The following KAT6A variants were observed in gnomAD, a reference collection of about 807,000 sequenced individuals.
The protein encoded by KAT6A is histone acetyltransferase KAT6A.
Under a neutral mutation model 198.4 loss-of-function variants are expected in KAT6A, and 9 were observed. The ratio of observed to expected loss-of-function variants is 0.05; its 90% CI spans 0.03 to 0.08. KAT6A has a LOEUF of 0.08. Ranked by LOEUF, KAT6A falls within the 10% of genes least tolerant of loss-of-function variation. The probability of loss-of-function intolerance (pLI) is 1.00; values close to 1 mark genes in which losing one functional copy is unlikely to be tolerated. For missense variants in KAT6A, 2,077 were observed against 2,509.9 expected (o/e 0.83, Z 3.69); for synonymous variants, 890 against 883.0 (o/e 1.01, Z -0.14).
At chr8:41,993,857 T>A (rs1825062066) in intron 2 of KAT6A, among the ~76,000 whole-genome samples, 1 of 152,202 alleles carries the variant, frequency 6.6e-6, no homozygotes, top group Non-Finnish European at 1.5e-5. Flanking sequence ...TCACTCTCAT[T>A]CCCAAACTAT....
chr8:41,943,351 T>C (rs1355560730), intron 13 of KAT6A, among the ~76,000 whole-genome samples: 1 of 152,234 alleles, frequency 6.6e-6, no homozygotes, highest in East Asian at 1.9e-4. Context: ...TAGTGAAGGG[T>C]GAACTGTCTG....
chr8:41,942,444 C>A, intron 14 of KAT6A: 1 of 320,046 alleles, frequency 3.1e-6, no homozygotes, highest in South Asian at 5.0e-5. Flanking sequence ...CCACACCCAA[C>A]CTCCATTTCA....
chr8:41,931,315 G>C lies in KAT6A; in HGVS notation c.*890C>G, dbSNP rs1371951731. 4.6e-6 allele frequency: 1 copy of C among 218,958 alleles called. No individual in the cohort carries two copies. The highest frequency in any genetic ancestry group is 6.7e-5 in the East Asian group (1 of 14,878). 13.6% of individuals were successfully genotyped at this position (218,958 alleles called of 1,614,324 possible). Reference sequence around the variant, plus strand: ...GATTCACCAGGTGGTAAAAAAACAAGAGGTTAATCTCCTCTTTTTGATTGT... The same window carrying C: ...GATTCACCAGGTGGTAAAAAAACAACAGGTTAATCTCCTCTTTTTGATTGT... On this transcript the variant is annotated 3_prime_UTR_variant, in exon 17 of 17. Coordinates refer to ENST00000265713, the MANE Select transcript of KAT6A (RefSeq NM_006766.5).
rs1383258919 is a variant in KAT6A, at chr8:41,946,235, G to A, written c.1996+356C>T. On this transcript the variant is annotated intron_variant, in intron 12 of 16. Coordinates refer to ENST00000265713, the MANE Select transcript of KAT6A (RefSeq NM_006766.5). ...TCTCACCTCTGCTTCCTGAGTAGGTGGAACCCTAGGTACATGCCATCATGC... is the reference window on the plus strand; with the variant it reads ...TCTCACCTCTGCTTCCTGAGTAGGTAGAACCCTAGGTACATGCCATCATGC... Among the ~76,000 whole-genome samples the A allele has an allele frequency of 2.6e-5, 4 of 151,966 alleles. No homozygotes were observed. The South Asian group carries it at 8.3e-4, about 32-fold the overall frequency.
In KAT6A at chr8:41,932,803, G is replaced by C. The variant is rs375665086; in HGVS notation, c.5417C>G (p.Ala1806Gly). The C allele has an allele frequency of 1.2e-6, 2 of 1,614,172 alleles. No homozygotes were observed. Among genetic ancestry groups the C allele is most frequent in the Non-Finnish European group, 1.7e-6 (2 of 1,180,010 alleles). Reference protein sequence around the residue: ...PSHPLAGTPQAQATMTPPPNL... With the variant: ...PSHPLAGTPQGQATMTPPPNL... Reference sequence around the variant, plus strand: ...TGGGGGTGGCGTCATGGTGGCTTGTGCTTGAGGAGTCCCAGCTAAGGGATG... The same window carrying C: ...TGGGGGTGGCGTCATGGTGGCTTGTCCTTGAGGAGTCCCAGCTAAGGGATG... Residue 1806 changes from alanine (A) to glycine (G), a missense_variant, in exon 17 of 17, where the codon GCA (alanine) becomes GGA (glycine). By Grantham distance (60) the Ala-to-Gly change is moderately conservative. Transcript: ENST00000265713.
rs769016270 is a variant in KAT6A at position 41,942,848 on chromosome 8, GCCT to G, written c.2378_2380del (p.Glu793del). 1.9e-6 allele frequency: 3 copies of G among 1,613,800 alleles called. No homozygotes were observed. Among genetic ancestry groups the G allele is most frequent in the Non-Finnish European group, 2.5e-6 (3 of 1,179,982 alleles). ...TGGCTCTTCGTTTTCTCCTTCCTCA[GCCT>G]CCTCTTCTTCCTCCTCTGAGACCAC... is the stretch of plus-strand genomic sequence containing the variant. On this transcript the variant is annotated inframe_deletion, in exon 14 of 17. Transcript: ENST00000265713.
In KAT6A at chr8:41,941,002, C is replaced by A. The variant is rs1822094977; in HGVS notation, c.2879G>T (p.Cys960Phe). Residue 960 changes from cysteine (C) to phenylalanine (F), a missense_variant, in exon 15 of 17, where the codon TGC (cysteine) becomes TTC (phenylalanine). Coordinates refer to ENST00000265713, the MANE Select transcript of KAT6A (RefSeq NM_006766.5). ...QLKKSPEALK[C>F]RLTEGSERLP... is the part of the protein sequence containing the mutation. ...CCTCTCACTTCCTTCTGTTAATCTG[C>A]ACTTCAGAGCCTCAGGGCTTTTCTT... 2 of 1,614,214 alleles carry A rather than the reference C, an allele frequency of 1.2e-6. No homozygotes were observed. The highest frequency in any genetic ancestry group is 1.6e-4 in the Middle Eastern group (1 of 6,062).
At chr8:41,991,061 A>C (rs576808132) in intron 2 of KAT6A, among the ~76,000 whole-genome samples, 1 of 151,692 alleles carries the variant, frequency 6.6e-6, no homozygotes, top group Non-Finnish European at 1.5e-5. Flanking sequence ...TATAAATATA[A>C]ATTGACAAGA....
chr8:41,991,033 A>G (rs1466293245), intron 2 of KAT6A, among the ~76,000 whole-genome samples: 1 of 151,612 alleles, frequency 6.6e-6, no homozygotes, highest in East Asian at 1.9e-4. Flanking sequence ...GGAACAACAC[A>G]TGCACTGCTG....
Position 41,930,465 on chromosome 8 carries a change from T to C in KAT6A, c.*1740A>G. The C allele has an allele frequency of 4.6e-6, 1 of 215,706 alleles. No individual in the cohort carries two copies. The highest frequency in any genetic ancestry group is 9.3e-6 in the Non-Finnish European group (1 of 107,184). The allele number at this position is 215,706 out of a possible 1,614,324, so 13.4% of individuals were successfully genotyped here. A position where few individuals can be genotyped will look rare whatever the true frequency, so the allele number is the denominator to read the frequency against. On this transcript the variant is annotated 3_prime_UTR_variant, in exon 17 of 17. Transcript: ENST00000265713. ...GCACGCTTGAGAAAGTCAATTAAAG[T>C]GTATTAAAAAAACCAACAAACCTGT...
At chr8:42,012,658 A>G (rs1305587355) in intron 2 of KAT6A, among the ~76,000 whole-genome samples, 2 of 152,246 alleles carry the variant, frequency 1.3e-5, no homozygotes, top group Non-Finnish European at 2.9e-5. Context: ...CCCTCAGGAT[A>G]GTGAGGGAAT....
chr8:42,009,726 T>G (rs879408162), intron 2 of KAT6A, among the ~76,000 whole-genome samples: 6 of 150,840 alleles, frequency 4.0e-5, no homozygotes, highest in Non-Finnish European at 8.9e-5. Flanking sequence ...TATGAAGACC[T>G]TGTCTCTACA....
rs1190144519 is a variant in KAT6A at position 41,934,568 on chromosome 8, G to T, written c.3652C>A (p.Pro1218Thr). Reference sequence around the variant, plus strand: ...TCCTCCTTCCTCTCCTCGGGTAGGGGCATGTCTTCTTTTGGCTCAACAGTT... The same window carrying T: ...TCCTCCTTCCTCTCCTCGGGTAGGGTCATGTCTTCTTTTGGCTCAACAGTT... Reference protein sequence around the residue: ...EETVEPKEDMPLPEERKEEEE... With the variant: ...EETVEPKEDMTLPEERKEEEE... The change falls in exon 17 of 17, where the codon CCC (proline) becomes ACC (threonine). Residue 1218 changes from proline (P) to threonine (T), a missense_variant. By Grantham distance (38) the Pro-to-Thr change is conservative. Around this residue, in one of 13 missense-constraint regions of KAT6A, gnomAD observed 375 missense variants for 383.0 expected, o/e 0.98. Coordinates refer to ENST00000265713, the MANE Select transcript of KAT6A (RefSeq NM_006766.5). 2 of 1,613,844 alleles carry T rather than the reference G, an allele frequency of 1.2e-6. No homozygotes were observed. Among genetic ancestry groups the T allele is most frequent in the Non-Finnish European group, 1.7e-6 (2 of 1,180,000 alleles).
intron 2 of KAT6A, among the ~76,000 whole-genome samples, chr8:42,041,256 A>C (rs543794584): frequency 6.6e-6 from 1 of 151,732 alleles, no homozygotes; most frequent in Non-Finnish European, 1.5e-5. Flanking sequence ...TTTTACAAAC[A>C]TATCTCTGAG....
chr8:41,930,240 T>TCCCAACCCCCCCCCCCCCC lies in KAT6A; in HGVS notation c.*1964_*1965insGGGGGGGGGGGGGGTTGGG. The TCCCAACCCCCCCCCCCCCC allele has an allele frequency of 6.7e-6, 1 of 149,870 alleles. No individual in the cohort carries two copies. The highest frequency in any genetic ancestry group is 1.3e-5 in the Non-Finnish European group (1 of 75,990). 9.3% of individuals were successfully genotyped at this position (149,870 alleles called of 1,614,324 possible). On this transcript the variant is annotated 3_prime_UTR_variant, in exon 17 of 17. Coordinates refer to ENST00000265713, the MANE Select transcript of KAT6A (RefSeq NM_006766.5). ...TGACCCACCCTCCTCCCAATATACC[T>TCCCAACCCCCCCCCCCCCC]CCCTCCCGACCCACCCCGTCCCCAC... is the stretch of plus-strand genomic sequence containing the variant.
At position 41,940,846 on chromosome 8, in the gene KAT6A, C is replaced by A. The variant is rs377324520; in HGVS notation, c.3035G>T (p.Arg1012Leu). The A allele has an allele frequency of 3.7e-6, 6 of 1,606,022 alleles. No homozygotes were observed. The highest frequency in any genetic ancestry group is 2.2e-5 in the East Asian group (1 of 44,784). ...PPILTKPTLK[R>L]KKPFLHRRRR... is the part of the protein sequence containing the mutation. ...ACCTGGAAAGAAATGCGTTACCTTTCGCTTCAGCGTGGGCTTTGTGAGAAT... is the reference window on the plus strand; with the variant it reads ...ACCTGGAAAGAAATGCGTTACCTTTAGCTTCAGCGTGGGCTTTGTGAGAAT... Residue 1012 changes from arginine (R) to leucine (L), a missense_variant, in exon 15 of 17, where the codon CGA becomes CTA. Physicochemically the swap from Arg to Leu is moderately radical, Grantham distance 102 (BLOSUM62 -2). This residue lies in a region of KAT6A where 301 missense variants were observed against 272.2 expected (regional missense o/e 1.11). Coordinates refer to ENST00000265713, the MANE Select transcript of KAT6A (RefSeq NM_006766.5).
At chr8:42,019,104 A>T (rs1826407933) in intron 2 of KAT6A, among the ~76,000 whole-genome samples, 1 of 152,208 alleles carries the variant, frequency 6.6e-6, no homozygotes, top group African/African-American at 2.4e-5. Context: ...ATTTAGGGAA[A>T]GTCATTTGAT....
intron 7 of KAT6A, 56 bp downstream of exon 7, chr8:41,976,952 C>A (rs1381043815): frequency 1.5e-6 from 2 of 1,339,864 alleles, no homozygotes; most frequent in Non-Finnish European, 2.0e-6. Context: ...TAGTGTTATC[C>A]CGAATAATAC....
chr8:42,004,377 G>C (rs1825639858), intron 2 of KAT6A, among the ~76,000 whole-genome samples: 1 of 152,114 alleles, frequency 6.6e-6, no homozygotes, highest in South Asian at 2.1e-4. Flanking sequence ...ACTACATAAA[G>C]CTTTAGTAAG....
Sources: gnomAD v4.1 joint callset for allele counts (sites outside exome capture counted in the v4.1 genomes callset) on GRCh38, gnomAD v4.1.1 for gene constraint, gnomAD v4.1.1 regional missense constraint, MANE v1.5 for transcripts, NCBI Gene and HGNC (gene_info 2026-07-23, HGNC 2026-07-21) for gene names.